The following TMTC2 variants were observed in gnomAD, a reference collection of about 807,000 sequenced individuals.
The protein encoded by TMTC2 is transmembrane O-mannosyltransferase targeting cadherins 2.
In TMTC2, 43 loss-of-function variants were observed where a neutral mutation model predicts 82.4. That is an observed-to-expected ratio of 0.52 (90% CI 0.41 to 0.67). The LOEUF (loss-of-function observed/expected upper bound fraction) is 0.67. Ranked by LOEUF, TMTC2 falls within the 30% of genes least tolerant of loss-of-function variation. TMTC2 has a pLI of 0.00. For synonymous variants in TMTC2, 408 were observed against 381.9 expected (o/e 1.07, Z -0.80); for missense variants, 919 against 1,012.4 (o/e 0.91, Z 1.25).
In TMTC2 at chr12:82,721,245, G is replaced by C. The variant is rs147069499; in HGVS notation, c.83+33576G>C. On this transcript the variant is annotated intron_variant, in intron 1 of 11. Transcript: ENST00000321196. ...TATTTACTTGCATGTTGCCCATGCT[G>C]TCTGTCAGTGGCAGCTGCTGGGTCG... Among the ~76,000 whole-genome samples, 17 of 152,244 alleles carry C rather than the reference G, an allele frequency of 1.1e-4. No individual in the cohort carries two copies. The East Asian group carries it at 3.3e-3, about 29-fold the overall frequency.
intron 4 of TMTC2, among the ~76,000 whole-genome samples, chr12:82,937,767 T>TAC (rs1565818317): frequency 2.9e-4 from 6 of 20,374 alleles, no homozygotes; most frequent in Admixed American, 5.8e-4. Flanking sequence ...TATATATATA[T>TAC]ATATATATAT....
At chr12:82,918,480 A>C (rs1330124793) in intron 3 of TMTC2, among the ~76,000 whole-genome samples, 1 of 152,164 alleles carries the variant, frequency 6.6e-6, no homozygotes. Flanking sequence ...ATTTTCATAT[A>C]GGGACAAAGA....
At chr12:82,836,557 G>A (rs951717833) in intron 1 of TMTC2, among the ~76,000 whole-genome samples, 4 of 152,160 alleles carry the variant, frequency 2.6e-5, no homozygotes, top group Non-Finnish European at 5.9e-5. Context: ...CAAGGAACTA[G>A]ATTCTCCCCT....
At chr12:82,894,675 T>G (rs959014458) in intron 2 of TMTC2, among the ~76,000 whole-genome samples, 3 of 152,220 alleles carry the variant, frequency 2.0e-5, no homozygotes, top group African/African-American at 7.2e-5. Flanking sequence ...AGATGTCACC[T>G]AAGTTTCTTG....
chr12:83,022,920 T>C (rs1279003018), intron 8 of TMTC2, among the ~76,000 whole-genome samples: 1 of 152,224 alleles, frequency 6.6e-6, no homozygotes, highest in Non-Finnish European at 1.5e-5. Context: ...AAACATTGTA[T>C]TTCATTGAAA....
At position 82,857,246 on chromosome 12, in the gene TMTC2, A is replaced by G. The variant is rs751447195; in HGVS notation, c.320A>G (p.Lys107Arg). 1.2e-6 allele frequency: 2 copies of G among 1,614,056 alleles called. No homozygotes were observed. The highest frequency in any genetic ancestry group is 1.1e-5 in the South Asian group (1 of 91,092). Reference sequence around the variant, plus strand: ...ACTGGTCTCTTCACAAGCTTCTCCAAGATCCTCCTTGGTGATGGATACTGG... The same window carrying G: ...ACTGGTCTCTTCACAAGCTTCTCCAGGATCCTCCTTGGTGATGGATACTGG... ...AVTGLFTSFSKILLGDGYWTF... is the reference protein window; with the variant it reads ...AVTGLFTSFSRILLGDGYWTF... The change falls in exon 2 of 12, where the codon AAG becomes AGG. Residue 107 changes from lysine (K) to arginine (R), a missense_variant. Lys to Arg is a conservative substitution (Grantham distance 26). Coordinates refer to ENST00000321196, the MANE Select transcript of TMTC2 (RefSeq NM_152588.3).
At chr12:82,793,257 T>C (rs1356887804) in intron 1 of TMTC2, among the ~76,000 whole-genome samples, 3 of 152,128 alleles carry the variant, frequency 2.0e-5, no homozygotes, top group Non-Finnish European at 2.9e-5. Context: ...CTCAAAATAA[T>C]ATTTAACATT....
chr12:82,937,010 A>G lies in TMTC2; in HGVS notation c.1598+6465A>G, dbSNP rs1876356179. Among the ~76,000 whole-genome samples the G allele has an allele frequency of 2.0e-5, 3 of 152,182 alleles. No individual in the cohort carries two copies. The South Asian group carries it at 6.2e-4, about 31-fold the overall frequency. ...CTTTGAACTATGTAAGTATATTTTGATCATTATCACTGTATCTGGCTTATT... is the reference window on the plus strand; with the variant it reads ...CTTTGAACTATGTAAGTATATTTTGGTCATTATCACTGTATCTGGCTTATT... On this transcript the variant is annotated intron_variant, in intron 4 of 11. Coordinates refer to ENST00000321196, the MANE Select transcript of TMTC2 (RefSeq NM_152588.3).
At chr12:82,875,314 C>A (rs1183755071) in intron 2 of TMTC2, among the ~76,000 whole-genome samples, 1 of 151,722 alleles carries the variant, frequency 6.6e-6, no homozygotes, top group Non-Finnish European at 1.5e-5. Flanking sequence ...CACTTTAACT[C>A]TTCTGTCATG....
At position 82,726,635 on chromosome 12, in the gene TMTC2, C is replaced by T. The variant is rs187357057; in HGVS notation, c.83+38966C>T. On this transcript the variant is annotated intron_variant, in intron 1 of 11. Transcript: ENST00000321196. ...GTGGCTCACGCCTATAATCTCAGCA[C>T]TTTGGGAGGCCAAGGTGGGCAGATC... Among the ~76,000 whole-genome samples, 404 of 152,218 alleles carry T rather than the reference C, an allele frequency of 2.7e-3. 6 individuals carry two copies. Among genetic ancestry groups the T allele is most frequent in the Admixed American group, 4.3e-3 (65 of 15,294 alleles).
intron 4 of TMTC2, among the ~76,000 whole-genome samples, chr12:82,937,750 GTA>G (rs1162321741): frequency 2.4e-3 from 255 of 105,878 alleles, no homozygotes; most frequent in African/African-American, 3.5e-3. Context: ...GTGTGTGTGT[GTA>G]TATATATATA....
At chr12:83,076,313 C>T (rs1592731461) in intron 11 of TMTC2, among the ~76,000 whole-genome samples, 1 of 152,188 alleles carries the variant, frequency 6.6e-6, no homozygotes, top group African/African-American at 2.4e-5. Context: ...AGAAAATCAG[C>T]TTCAGTACTG....
At chr12:82,780,750 G>A (rs187379013) in intron 1 of TMTC2, among the ~76,000 whole-genome samples, 5 of 129,914 alleles carry the variant, frequency 3.8e-5, no homozygotes, top group Non-Finnish European at 8.4e-5. Flanking sequence ...AAGAAGGCAC[G>A]TGACACAAAA....
chr12:82,799,040 C>T (rs1046432026), intron 1 of TMTC2, among the ~76,000 whole-genome samples: 5 of 152,096 alleles, frequency 3.3e-5, no homozygotes, highest in Non-Finnish European at 4.4e-5. Flanking sequence ...AAAGTTCCTC[C>T]GTCTGCCAGT....
At chr12:82,998,584 G>A (rs1343768996) in intron 8 of TMTC2, among the ~76,000 whole-genome samples, 1 of 152,076 alleles carries the variant, frequency 6.6e-6, no homozygotes, top group Non-Finnish European at 1.5e-5. Context: ...ACAGCATTTG[G>A]TGATTCCAGT....
chr12:82,764,974 C>CGG (rs113738704), intron 1 of TMTC2, among the ~76,000 whole-genome samples: 2,176 of 145,032 alleles, frequency 0.015, 77 homozygotes, highest in African/African-American at 0.052. Flanking sequence ...GTCTGGTGGG[C>CGG]GGGGGGGTGA....
intron 1 of TMTC2, among the ~76,000 whole-genome samples, chr12:82,815,527 T>C (rs1399181708): frequency 6.6e-6 from 1 of 152,048 alleles, no homozygotes; most frequent in Non-Finnish European, 1.5e-5. Flanking sequence ...TTAGCCAGGA[T>C]GGTCTGGACC....
intron 4 of TMTC2, among the ~76,000 whole-genome samples, chr12:82,937,764 A>ATGTGTGTG (rs1565818289): frequency 5.4e-5 from 1 of 18,682 alleles, no homozygotes; most frequent in African/African-American, 1.9e-4. Context: ...ATATATATAT[A>ATGTGTGTG]TATATATATA....
At chr12:82,821,332 A>G (rs915909943) in intron 1 of TMTC2, among the ~76,000 whole-genome samples, 2 of 152,150 alleles carry the variant, frequency 1.3e-5, no homozygotes, top group Non-Finnish European at 2.9e-5. Context: ...TTTCTTTACC[A>G]TTTAATTTTT....
Sources: gnomAD v4.1 joint callset for allele counts (sites outside exome capture counted in the v4.1 genomes callset) on GRCh38, gnomAD v4.1.1 for gene constraint, MANE v1.5 for transcripts, NCBI Gene and HGNC (gene_info 2026-07-23, HGNC 2026-07-21) for gene names.